Variants in WNK1 observed in about 807,000 individuals in gnomAD.
WNK1 encodes WNK lysine deficient protein kinase 1, also known as serine/threonine-protein kinase WNK1.
Under a neutral mutation model 222.8 loss-of-function variants are expected in WNK1, and 38 were observed. The observed-to-expected ratio is 0.17, with a 90% CI of 0.13 to 0.22. WNK1 has a LOEUF of 0.22. Among genes scored for constraint, WNK1 ranks in the 10% least tolerant of loss-of-function variants. The probability of loss-of-function intolerance (pLI) is 1.00; values close to 1 mark genes in which losing one functional copy is unlikely to be tolerated. For missense variants in WNK1, 2,348 were observed against 2,918.4 expected, an observed-to-expected ratio of 0.80 and a Z score of 4.50; for synonymous variants, 1,090 against 1,092.9, an observed-to-expected ratio of 1.00 and a Z score of 0.05.
rs576698246 is a variant in WNK1, at chr12:798,523, C to T, written c.760-15119C>T. Among the ~76,000 whole-genome samples, 134 of 152,254 alleles carry T rather than the reference C, an allele frequency of 8.8e-4. 2 individuals carry two copies. Among genetic ancestry groups the T allele is most frequent in the African/African-American group, 3.2e-3 (131 of 41,548 alleles). ...TTGCATTTTCAAAGTTTTCATTTTC[C>T]CATCCAGTATATCGAGTCTTCTGCC... is the stretch of plus-strand genomic sequence containing the variant. On this transcript the variant is annotated intron_variant, in intron 1 of 27. Transcript: ENST00000315939.
chr12:767,315 C>T (rs1190633924), intron 1 of WNK1, among the ~76,000 whole-genome samples: 1 of 130,706 alleles, frequency 7.7e-6, no homozygotes, highest in Non-Finnish European at 1.5e-5. Context: ...CGCAGTGGTG[C>T]AGTCTTGGCT....
intron 1 of WNK1, among the ~76,000 whole-genome samples, chr12:809,747 A>G (rs1055338843): frequency 1.3e-5 from 2 of 152,210 alleles, no homozygotes; most frequent in Admixed American, 6.5e-5. Flanking sequence ...ATATAGGCCT[A>G]TGAGAGAGTT....
intron 26 of WNK1, among the ~76,000 whole-genome samples, chr12:902,483 G>T (rs929751678): frequency 1.7e-4 from 26 of 152,172 alleles, no homozygotes; most frequent in African/African-American, 6.3e-4. Flanking sequence ...CTCTTCATTG[G>T]ATCATTCCAC....
chr12:809,094 C>T (rs145163409), intron 1 of WNK1, among the ~76,000 whole-genome samples: 99 of 151,786 alleles, frequency 6.5e-4, no homozygotes, highest in African/African-American at 1.9e-3. Context: ...GACTTTTCTT[C>T]TTGCTTCTTT....
chr12:805,461 T>C (rs1946292085), intron 1 of WNK1, among the ~76,000 whole-genome samples: 1 of 152,210 alleles, frequency 6.6e-6, no homozygotes. Context: ...ATACACTCCT[T>C]GTGACTTAAT....
At chr12:895,940 T>A in intron 23 of WNK1, 131 bp from the exon 24 acceptor site, 2 of 1,208,410 alleles carry the variant, frequency 1.7e-6, no homozygotes, top group Middle Eastern at 2.6e-4. Context: ...GTGGAGGCGC[T>A]ATGTAAAGAG....
Position 753,217 on chromosome 12 carries a change from C to T in WNK1, c.-349C>T, listed in dbSNP as rs1939459178. ...CGACTCGGTGCCGGCCCCTGGCCCT[C>T]CCCTCATGACTGCGGCGCCTCTGCT... On this transcript the variant is annotated 5_prime_UTR_variant, in exon 1 of 28. Transcript: ENST00000315939. This position sits in a 1 kb window ranked among gnomAD's most constrained non-coding sequence, Gnocchi z 5.2. The T allele has an allele frequency of 4.1e-6, 1 of 246,060 alleles. No individual in the cohort carries two copies. 15.2% of individuals were successfully genotyped at this position (246,060 alleles called of 1,614,324 possible).
intron 2 of WNK1, among the ~76,000 whole-genome samples, chr12:818,420 T>C (rs1404699803): frequency 1.3e-5 from 2 of 152,192 alleles, no homozygotes; most frequent in African/African-American, 4.8e-5. Context: ...CAGTTCCCCA[T>C]GTGTATGTAA....
chr12:859,632 G>GTGTGTGTGTGTGGTTT (rs369513114), intron 6 of WNK1, among the ~76,000 whole-genome samples, 168 bp downstream of exon 6: 1 of 122,656 alleles, frequency 8.2e-6, no homozygotes, highest in South Asian at 2.6e-4. Flanking sequence ...GTGTGTGTGT[G>GTGTGTGTGTGTGGTTT]TTTTTTTTTT....
chr12:790,115 G>A (rs1685163007), intron 1 of WNK1, among the ~76,000 whole-genome samples: 1 of 152,234 alleles, frequency 6.6e-6, no homozygotes. Flanking sequence ...GAATGACCCA[G>A]TAGTAGACTG....
At chr12:868,588 G>A in intron 8 of WNK1, 1 of 1,613,986 alleles carries the variant, frequency 6.2e-7, no homozygotes, top group Non-Finnish European at 8.5e-7. Context: ...CGCCTGCTGT[G>A]TTAACTCATA....
intron 1 of WNK1, among the ~76,000 whole-genome samples, chr12:779,602 A>G (rs1028216507): frequency 6.6e-6 from 1 of 151,992 alleles, no homozygotes; most frequent in African/African-American, 2.4e-5. Flanking sequence ...GGGTTTCGCC[A>G]TGTTGGCCAG....
intron 24 of WNK1, 104 bp downstream of exon 24, chr12:896,836 A>C: frequency 7.7e-6 from 10 of 1,295,790 alleles, no homozygotes; most frequent in Non-Finnish European, 1.1e-5. Flanking sequence ...CTAATGTCTC[A>C]TTTCTTTTAA....
intron 4 of WNK1, among the ~76,000 whole-genome samples, chr12:854,969 C>T (rs552129418): frequency 1.3e-5 from 2 of 152,276 alleles, no homozygotes; most frequent in East Asian, 3.9e-4. Flanking sequence ...ACAGTTTTCT[C>T]TTTTGAATTT....
At chr12:905,782 C>T (rs967266910) in intron 26 of WNK1, among the ~76,000 whole-genome samples, 5 of 152,194 alleles carry the variant, frequency 3.3e-5, no homozygotes, top group African/African-American at 1.2e-4. Context: ...CTTCTCCCCT[C>T]GCGTTTCCTG....
At chr12:894,940 A>T (rs7296555) in intron 23 of WNK1, among the ~76,000 whole-genome samples, 54,367 of 152,028 alleles carry the variant, frequency 0.36, 10,186 homozygotes, top group East Asian at 0.53. Flanking sequence ...ATCTAAAATT[A>T]ACTACCATTT....
At chr12:792,628 T>A (rs1328153256) in intron 1 of WNK1, among the ~76,000 whole-genome samples, 1 of 152,116 alleles carries the variant, frequency 6.6e-6, no homozygotes, top group African/African-American at 2.4e-5. Context: ...CTGTTATTCT[T>A]GTAACAAAAA....
At chr12:907,582 T>C in intron 26 of WNK1, 1 of 523,190 alleles carries the variant, frequency 1.9e-6, no homozygotes, top group Non-Finnish European at 3.5e-6. Context: ...GTGAATGGAC[T>C]GAAAGAGGCC....
rs1565607049 is a variant in WNK1, at chr12:897,565, C to T, written c.6332C>T (p.Ala2111Val). Reference protein sequence around the residue: ...LYTKLGKVPPAVIIPPAAPLS... With the variant: ...LYTKLGKVPPVVIIPPAAPLS... The stretch of plus-strand genomic sequence containing the variant: ...ACCAAACTGGGCAAGGTGCCCCCTG[C>T]TGTTATTATTCCCCCAGCTGCTCCC... Residue 2111 changes from alanine (A) to valine (V), a missense_variant, in exon 25 of 28, where the codon GCT becomes GTT. Coordinates refer to ENST00000315939, the MANE Select transcript of WNK1 (RefSeq NM_018979.4). The T allele has an allele frequency of 6.2e-7, 1 of 1,613,876 alleles. No homozygotes were observed. The highest frequency in any genetic ancestry group is 8.5e-7 in the Non-Finnish European group (1 of 1,179,722).
Sources: gnomAD v4.1 joint callset for allele counts (sites outside exome capture counted in the v4.1 genomes callset) on GRCh38, gnomAD v4.1.1 for gene constraint, Gnocchi (gnomAD v3.1) non-coding constraint, MANE v1.5 for transcripts, NCBI Gene and HGNC (gene_info 2026-07-23, HGNC 2026-07-21) for gene names.